KCMF1: variants seen among roughly 807,000 people sequenced by gnomAD.
The protein encoded by KCMF1 is potassium channel modulatory factor 1, also known as E3 ubiquitin-protein ligase KCMF1.
A neutral mutation model predicts 41.1 loss-of-function variants in KCMF1; 3 were observed. That is an observed-to-expected ratio of 0.07 (90% CI 0.03 to 0.19). The LOEUF (loss-of-function observed/expected upper bound fraction) is 0.19, where lower values mean the gene tolerates loss of function less well. Ranked by LOEUF, KCMF1 falls within the 10% of genes least tolerant of loss-of-function variation. KCMF1 has a pLI of 1.00. For missense variants in KCMF1, 286 were observed against 488.9 expected, an observed-to-expected ratio of 0.58 and a Z score of 3.91; for synonymous variants, 142 against 164.5, an observed-to-expected ratio of 0.86 and a Z score of 1.04.
chr2:84,977,218 G>C (rs1182906611), intron 1 of KCMF1, among the ~76,000 whole-genome samples: 2 of 152,070 alleles, frequency 1.3e-5, no homozygotes, highest in Admixed American at 6.6e-5. Flanking sequence ...TGCCACTGAA[G>C]CACACATATA....
At chr2:85,016,879 G>A (rs1471796690) in intron 1 of KCMF1, among the ~76,000 whole-genome samples, 4 of 151,890 alleles carry the variant, frequency 2.6e-5, no homozygotes, top group African/African-American at 9.7e-5. Flanking sequence ...TAGTAGAGAC[G>A]AGGTTTCACA....
At chr2:85,006,101 C>T (rs1273571528) in intron 1 of KCMF1, among the ~76,000 whole-genome samples, 1 of 151,716 alleles carries the variant, frequency 6.6e-6, no homozygotes, top group African/African-American at 2.4e-5. Flanking sequence ...TGTTTAGGAG[C>T]CCATTGTTAT....
At chr2:85,018,580 T>C (rs191806281) in intron 1 of KCMF1, among the ~76,000 whole-genome samples, 10 of 152,046 alleles carry the variant, frequency 6.6e-5, no homozygotes, top group Admixed American at 2.0e-4. Context: ...ATGACTAAGC[T>C]AGATTATTCA....
At chr2:85,002,504 T>C (rs957807036) in intron 1 of KCMF1, among the ~76,000 whole-genome samples, 2 of 152,224 alleles carry the variant, frequency 1.3e-5, no homozygotes, top group Non-Finnish European at 1.5e-5. Flanking sequence ...TACCTGGTTT[T>C]TCCTAATGTT....
intron 1 of KCMF1, among the ~76,000 whole-genome samples, chr2:85,016,110 G>A (rs953352754): frequency 1.3e-5 from 2 of 152,184 alleles, no homozygotes; most frequent in Non-Finnish European, 2.9e-5. Flanking sequence ...TCAGTTTCAA[G>A]TAAGACTACT....
rs184880185 is a variant in KCMF1, at chr2:85,055,881, C to G, written c.*2472C>G. The G allele has an allele frequency of 6.6e-6, 1 of 152,004 alleles. No homozygotes were observed. Among genetic ancestry groups the G allele is most frequent in the African/African-American group, 2.4e-5 (1 of 41,392 alleles). 9.4% of individuals were successfully genotyped at this position (152,004 alleles called of 1,614,324 possible). A position where few individuals can be genotyped will look rare whatever the true frequency, so the allele number is the denominator to read the frequency against. ...CCTGAATTTTGAGAATTTTTTGTTTCGTTGAGTTTTGAGTGTCTAGGATAT... is the reference window on the plus strand; with the variant it reads ...CCTGAATTTTGAGAATTTTTTGTTTGGTTGAGTTTTGAGTGTCTAGGATAT... On this transcript the variant is annotated 3_prime_UTR_variant, in exon 7 of 7. Transcript: ENST00000409785.
chr2:85,008,479 A>G (rs1171554463), intron 1 of KCMF1, among the ~76,000 whole-genome samples: 2 of 135,408 alleles, frequency 1.5e-5, no homozygotes, highest in Non-Finnish European at 3.2e-5. Flanking sequence ...TATATATCTC[A>G]TATATCTTAT....
At chr2:85,017,428 G>T (rs1317386708) in intron 1 of KCMF1, among the ~76,000 whole-genome samples, 1 of 152,082 alleles carries the variant, frequency 6.6e-6, no homozygotes, top group African/African-American at 2.4e-5. Context: ...TCTCTGTATA[G>T]TTCTCAGTAT....
intron 1 of KCMF1, among the ~76,000 whole-genome samples, chr2:84,991,310 C>T (rs1415203707): frequency 6.6e-6 from 1 of 152,038 alleles, no homozygotes; most frequent in Non-Finnish European, 1.5e-5. Context: ...CTGTTTCAGG[C>T]GTAAATTAGG....
At chr2:85,039,089 T>C (rs1184098753) in intron 3 of KCMF1, among the ~76,000 whole-genome samples, 1 of 152,220 alleles carries the variant, frequency 6.6e-6, no homozygotes, top group Non-Finnish European at 1.5e-5. Flanking sequence ...GGAACTATGC[T>C]CATTTCTTGA....
At chr2:85,036,443 C>A (rs1363085032) in intron 3 of KCMF1, among the ~76,000 whole-genome samples, 3 of 152,030 alleles carry the variant, frequency 2.0e-5, no homozygotes, top group Non-Finnish European at 4.4e-5. Context: ...AAGTTTGGGT[C>A]CTTTACCTAA....
chr2:84,971,178 G>T lies in KCMF1; in HGVS notation c.-274G>T, dbSNP rs1005377282. 1 of 147,136 alleles carries T rather than the reference G, an allele frequency of 6.8e-6. No individual in the cohort carries two copies. The highest frequency in any genetic ancestry group is 1.5e-5 in the Non-Finnish European group (1 of 65,772). 9.1% of individuals were successfully genotyped at this position (147,136 alleles called of 1,614,324 possible). ...GAGCCGGCAGGCCCGAGAGTGACCG[G>T]AGTCACGGCGGGCGCCGGCGGAGCT... On this transcript the variant is annotated 5_prime_UTR_variant, in exon 1 of 7. Coordinates refer to ENST00000409785, the MANE Select transcript of KCMF1 (RefSeq NM_020122.5).
At chr2:85,009,772 G>T (rs2104002526) in intron 1 of KCMF1, among the ~76,000 whole-genome samples, 2 of 152,126 alleles carry the variant, frequency 1.3e-5, no homozygotes, top group South Asian at 4.2e-4. Context: ...AGTTCCTGGG[G>T]GTCAGAGACC....
chr2:85,010,402 G>C (rs948077307), intron 1 of KCMF1, among the ~76,000 whole-genome samples: 3 of 152,218 alleles, frequency 2.0e-5, no homozygotes, highest in Admixed American at 2.0e-4. Flanking sequence ...CAGGGCATCA[G>C]AGGCTGCAGT....
intron 4 of KCMF1, among the ~76,000 whole-genome samples, chr2:85,043,983 A>T (rs1488685444): frequency 6.6e-6 from 1 of 152,184 alleles, no homozygotes; most frequent in Non-Finnish European, 1.5e-5. Context: ...CTCTTTTTAT[A>T]TACTATCACC....
At chr2:85,043,894 A>G (rs1675602271) in intron 4 of KCMF1, among the ~76,000 whole-genome samples, 2 of 152,196 alleles carry the variant, frequency 1.3e-5, no homozygotes, top group Admixed American at 1.3e-4. Context: ...CCCCCAAAAG[A>G]GGAAAAGTAA....
intron 1 of KCMF1, among the ~76,000 whole-genome samples, chr2:85,008,314 T>TATAATATATATAATATATAATATG (rs1553379335): frequency 6.9e-5 from 7 of 101,044 alleles, no homozygotes; most frequent in East Asian, 9.0e-4. Flanking sequence ...TAATATGATA[T>TATAATATATATAATATATAATATG]ATATATCATA....
chr2:84,991,813 A>G (rs1674048435), intron 1 of KCMF1, among the ~76,000 whole-genome samples: 1 of 152,172 alleles, frequency 6.6e-6, no homozygotes. Context: ...GAAAGATTGA[A>G]CCATACTACT....
chr2:84,974,683 ATATATATATTTTTTTTTTTTT>A (rs1673495150), intron 1 of KCMF1, among the ~76,000 whole-genome samples: 1 of 39,730 alleles, frequency 2.5e-5, no homozygotes, highest in African/African-American at 1.2e-4. Flanking sequence ...ATATATATAT[ATATATATATTTTTTTTTTTTT>A]TTTTTTTTTT....
Sources: gnomAD v4.1 joint callset for allele counts (sites outside exome capture counted in the v4.1 genomes callset) on GRCh38, gnomAD v4.1.1 for gene constraint, MANE v1.5 for transcripts, NCBI Gene and HGNC (gene_info 2026-07-23, HGNC 2026-07-21) for gene names.